The following NEK1 variants were observed in gnomAD, a reference collection of about 807,000 sequenced individuals.
NEK1 encodes the protein NIMA related kinase 1.
In NEK1, 137 loss-of-function variants were observed where a neutral mutation model predicts 182.1. The ratio of observed to expected loss-of-function variants is 0.75; its 90% confidence interval spans 0.65 to 0.87. NEK1 has a LOEUF of 0.87. Among genes scored for constraint, NEK1 ranks in the 40% least tolerant of loss-of-function variants. The probability of loss-of-function intolerance (pLI) is 0.00; values close to 1 mark genes in which losing one functional copy is unlikely to be tolerated. For missense variants in NEK1, 1,391 were observed against 1,494.4 expected, an observed-to-expected ratio of 0.93 and a Z score of 1.14; for synonymous variants, 513 against 492.2, an observed-to-expected ratio of 1.04 and a Z score of -0.56.
rs1474446816 is a variant in NEK1 at position 169,438,294 on chromosome 4, C to T, written c.2588-35G>A. 3 of 1,481,206 alleles carry T rather than the reference C, an allele frequency of 2.0e-6. No homozygotes were observed. In the South Asian group the frequency reaches 4.0e-5, roughly 20 times the overall value. The allele number at this position is 1,481,206 out of a possible 1,614,324, so 91.8% of individuals were successfully genotyped here. On this transcript the variant is annotated intron_variant, in intron 27 of 35. Coordinates refer to ENST00000507142, the MANE Select transcript of NEK1 (RefSeq NM_001199397.3). ...CAAAAAATAAAAAATCATGCTAGTT[C>T]TCAAAATGATGCATTTTATCTGTAA...
In NEK1 at chr4:169,477,438, A is replaced by G; in HGVS notation, c.2199T>C (p.Ala733=). 1 of 1,604,350 alleles carries G rather than the reference A, an allele frequency of 6.2e-7. No individual in the cohort carries two copies. The highest frequency in any genetic ancestry group is 8.5e-7 in the Non-Finnish European group (1 of 1,175,568). ...CTTTGAAAATTTTACTTACTGAAAT[A>G]GCATTGTTGGTCTTTTGCATCTCTT... The part of the protein sequence containing the change: ...TSEEMQKTNN[A]ISSKREILRR... The change falls in exon 25 of 36, where the codon GCT becomes GCC. Residue 733 remains alanine (A), a synonymous_variant. Transcript: ENST00000507142.
chr4:169,589,531 A>AG lies in NEK1; in HGVS notation c.397-18_397-17insC. The AG allele has an allele frequency of 7.2e-7, 1 of 1,385,632 alleles. No individual in the cohort carries two copies. The highest frequency in any genetic ancestry group is 2.5e-5 in the Admixed American group (1 of 39,762). The allele number at this position is 1,385,632 out of a possible 1,614,324, so 85.8% of individuals were successfully genotyped here. On this transcript the variant is annotated splice_polypyrimidine_tract_variant and intron_variant, in intron 6 of 35. Coordinates refer to ENST00000507142, the MANE Select transcript of NEK1 (RefSeq NM_001199397.3). Reference sequence around the variant, plus strand: ...AAATATGTTCTGTAAAAGACAGGAAAAAAAAAAACCCTAGAAATATTGTTA... The same window carrying AG: ...AAATATGTTCTGTAAAAGACAGGAAAGAAAAAAAACCCTAGAAATATTGTTA...
At chr4:169,537,713 T>TA in intron 19 of NEK1, 96 bp downstream of exon 19, 1 of 919,162 alleles carries the variant, frequency 1.1e-6, no homozygotes, top group Non-Finnish European at 1.8e-6. Context: ...CCTAGATTGT[T>TA]AGACTGTCAT....
At chr4:169,413,796 C>A (rs192499093) in intron 31 of NEK1, among the ~76,000 whole-genome samples, 1 of 152,172 alleles carries the variant, frequency 6.6e-6, no homozygotes, top group Non-Finnish European at 1.5e-5. Flanking sequence ...GTGGGCAGAT[C>A]GCTTGAGGTC....
chr4:169,465,318 T>TC (rs1172337621), intron 26 of NEK1, among the ~76,000 whole-genome samples: 1 of 151,662 alleles, frequency 6.6e-6, no homozygotes, highest in East Asian at 1.9e-4. Context: ...AACCCTCCTG[T>TC]CCCCCCCACC....
At chr4:169,444,688 C>G (rs536620720) in intron 27 of NEK1, among the ~76,000 whole-genome samples, 5 of 152,244 alleles carry the variant, frequency 3.3e-5, no homozygotes, top group African/African-American at 1.2e-4. Context: ...CAGCACTGGA[C>G]AGATAATCTA....
chr4:169,531,700 G>A (rs1364636027), intron 19 of NEK1, among the ~76,000 whole-genome samples: 2 of 152,084 alleles, frequency 1.3e-5, no homozygotes, highest in African/African-American at 2.4e-5. Context: ...GCAGTGTTCA[G>A]AAGTCTAAGT....
chr4:169,468,785 A>G (rs1745389065), intron 26 of NEK1, among the ~76,000 whole-genome samples: 1 of 152,112 alleles, frequency 6.6e-6, no homozygotes, highest in African/African-American at 2.4e-5. Flanking sequence ...TTACTGCCTG[A>G]ATTTCAGAAC....
chr4:169,472,426 C>T (rs998591516), intron 26 of NEK1, among the ~76,000 whole-genome samples: 2 of 152,152 alleles, frequency 1.3e-5, no homozygotes, highest in Non-Finnish European at 2.9e-5. Flanking sequence ...GGTGAGGCAA[C>T]GCCCCACCCT....
intron 18 of NEK1, among the ~76,000 whole-genome samples, chr4:169,548,193 T>A (rs577566041): frequency 2.0e-4 from 30 of 152,368 alleles, no homozygotes; most frequent in African/African-American, 7.2e-4. Context: ...CCTTTCTGTT[T>A]GTTAGTTTTC....
At chr4:169,470,045 T>C (rs1036679020) in intron 26 of NEK1, among the ~76,000 whole-genome samples, 3 of 151,790 alleles carry the variant, frequency 2.0e-5, no homozygotes, top group Admixed American at 2.0e-4. Context: ...TGGGTCTCCT[T>C]AATACAGCAC....
intron 27 of NEK1, among the ~76,000 whole-genome samples, chr4:169,457,505 C>A (rs1743117071): frequency 6.6e-6 from 1 of 151,016 alleles, no homozygotes; most frequent in Non-Finnish European, 1.5e-5. Context: ...ATAATCCCAG[C>A]CCTTTGGAGG....
At chr4:169,565,962 T>C (rs1277979076) in intron 12 of NEK1, among the ~76,000 whole-genome samples, 3 of 152,206 alleles carry the variant, frequency 2.0e-5, no homozygotes, top group Non-Finnish European at 2.9e-5. Flanking sequence ...AGTATGTGAA[T>C]TATATCTCAA....
intron 3 of NEK1, 87 bp downstream of exon 3, chr4:169,602,425 CTT>C (rs74673353): frequency 1.5e-3 from 952 of 617,286 alleles, no homozygotes; most frequent in South Asian, 2.4e-3. Flanking sequence ...TTATCGATTA[CTT>C]TTTTTTTTTT....
At chr4:169,570,324 G>A (rs1402536962) in intron 12 of NEK1, among the ~76,000 whole-genome samples, 4 of 148,074 alleles carry the variant, frequency 2.7e-5, no homozygotes, top group Admixed American at 6.6e-5. Flanking sequence ...AGTGAGGAGC[G>A]TCTCCGCCCG....
chr4:169,545,994 G>A lies in NEK1; in HGVS notation c.1563-8083C>T, dbSNP rs186901105. ...TCAATATCGTGAAAATGGCCATACT[G>A]CCCAAGGTAATTTACAGATTCAATG... On this transcript the variant is annotated intron_variant, in intron 18 of 35. Transcript: ENST00000507142. 9.2e-3 allele frequency among the ~76,000 whole-genome samples: 1,398 copies of A among 152,226 alleles called. 25 individuals carry two copies. The highest frequency in any genetic ancestry group is 0.032 in the African/African-American group (1,317 of 41,546).
chr4:169,597,648 A>G (rs994241466), intron 5 of NEK1, among the ~76,000 whole-genome samples: 2 of 151,632 alleles, frequency 1.3e-5, no homozygotes, highest in African/African-American at 4.8e-5. Flanking sequence ...AAATAATAAT[A>G]TCCCAGCCAG....
In NEK1 at chr4:169,469,089, T is replaced by C. The variant is rs537475294; in HGVS notation, c.2435-5694A>G. Among the ~76,000 whole-genome samples the C allele has an allele frequency of 3.9e-5, 6 of 152,278 alleles. 1 individual carries two copies. The South Asian group carries it at 1.2e-3, about 32-fold the overall frequency. ...AGCTCCTGGATTCACTGATTTTTTT[T>C]TGAAGGGCTTTTCATGTCTCTATCT... On this transcript the variant is annotated intron_variant, in intron 26 of 35. Coordinates refer to ENST00000507142, the MANE Select transcript of NEK1 (RefSeq NM_001199397.3).
intron 19 of NEK1, among the ~76,000 whole-genome samples, chr4:169,535,136 A>G (rs918536339): frequency 1.3e-5 from 2 of 152,102 alleles, no homozygotes; most frequent in African/African-American, 4.8e-5. Context: ...CCTGGCCAAC[A>G]TGGTGAAACC....
Sources: gnomAD v4.1 joint callset for allele counts (sites outside exome capture counted in the v4.1 genomes callset) on GRCh38, gnomAD v4.1.1 for gene constraint, MANE v1.5 for transcripts, NCBI Gene and HGNC (gene_info 2026-07-23, HGNC 2026-07-21) for gene names.